Variants in EXT1 observed in about 807,000 individuals in gnomAD.
The protein encoded by EXT1 is exostosin-1.
EXT1 carries 20 observed loss-of-function variants against 82.5 expected under a neutral mutation model. The observed-to-expected ratio is 0.24, with a 90% CI of 0.17 to 0.35. EXT1 has a LOEUF of 0.35. EXT1 is among the 10% of genes least tolerant of loss of function. The pLI is 1.00. For synonymous variants in EXT1, 348 were observed against 350.8 expected (o/e 0.99, Z 0.09); for missense variants, 757 against 936.5 (o/e 0.81, Z 2.50).
chr8:117,983,659 C>G (rs1454345050), intron 1 of EXT1, among the ~76,000 whole-genome samples: 1 of 152,158 alleles, frequency 6.6e-6, no homozygotes, highest in Non-Finnish European at 1.5e-5. Flanking sequence ...CTTACATTAT[C>G]AGCACTAAAA....
At position 117,872,826 on chromosome 8, in the gene EXT1, A is replaced by G. The variant is rs1251620193; in HGVS notation, c.963-35625T>C. 8.2e-3 allele frequency among the ~76,000 whole-genome samples: 1,176 copies of G among 143,328 alleles called. 12 individuals are homozygous for G. The highest frequency in any genetic ancestry group is 0.028 in the African/African-American group (1,062 of 37,758). The allele number at this position is 143,328 out of a possible 152,430, so 94.0% of individuals were successfully genotyped here. On this transcript the variant is annotated intron_variant, in intron 1 of 10. Transcript: ENST00000378204. ...ATTAAAGCGAATACTGAAGCAGAGA[A>G]AAAAAAAAAAAAAAGAAAGAAATGC...
intron 1 of EXT1, among the ~76,000 whole-genome samples, chr8:117,852,694 C>T (rs972190537): frequency 6.6e-5 from 10 of 152,086 alleles, no homozygotes; most frequent in African/African-American, 1.9e-4. Context: ...TGGGAAGAGA[C>T]ATAAAACAAA....
intron 1 of EXT1, among the ~76,000 whole-genome samples, chr8:117,902,260 A>C (rs572943741): frequency 6.6e-6 from 1 of 152,290 alleles, no homozygotes; most frequent in South Asian, 2.1e-4. Flanking sequence ...TAACTTAAAA[A>C]AAAATAAGTA....
chr8:117,839,184 T>C (rs1812232982), intron 1 of EXT1, among the ~76,000 whole-genome samples: 1 of 152,210 alleles, frequency 6.6e-6, no homozygotes, highest in South Asian at 2.1e-4. Context: ...TAATAGGAGC[T>C]GTGGGAAGAA....
In EXT1 at chr8:117,812,922, T is replaced by C. The variant is rs561994950; in HGVS notation, c.1672A>G (p.Thr558Ala). 2 of 1,613,920 alleles carry C rather than the reference T, an allele frequency of 1.2e-6. No individual in the cohort carries two copies. The highest frequency in any genetic ancestry group is 2.2e-5 in the East Asian group (1 of 44,860). The change falls in exon 8 of 11, where the codon ACA becomes GCA. Residue 558 changes from threonine to alanine, a missense_variant. Physicochemically the swap from Thr to Ala is moderately conservative, Grantham distance 58. Transcript: ENST00000378204. ...TCGTCAAGGCTGAGCACGGCGTCTG[T>C]GATGATGTTGTCGTAGGGCAGAAAA... ...SRFLPYDNII[T>A]DAVLSLDEDT...
intron 1 of EXT1, among the ~76,000 whole-genome samples, chr8:118,002,528 CTTT>C (rs60354141): frequency 3.4e-5 from 3 of 87,086 alleles, no homozygotes; most frequent in Non-Finnish European, 2.1e-5. Context: ...GAATATTTTT[CTTT>C]TTTTTTTTTT....
Position 118,081,175 on chromosome 8 carries a change from T to C in EXT1, c.962+28910A>G, listed in dbSNP as rs537072931. Among the ~76,000 whole-genome samples, 6 of 152,264 alleles carry C rather than the reference T, an allele frequency of 3.9e-5. No homozygotes were observed. The East Asian group carries it at 1.2e-3, about 29-fold the overall frequency. The stretch of plus-strand genomic sequence containing the variant: ...GACAATTAAATGACACGCAAAAGGA[T>C]ATCAAATACTCATAACCACTAACCT... On this transcript the variant is annotated intron_variant, in intron 1 of 10. Transcript: ENST00000378204.
intron 1 of EXT1, among the ~76,000 whole-genome samples, chr8:118,079,675 C>G (rs1392979569): frequency 6.6e-6 from 1 of 150,846 alleles, no homozygotes; most frequent in African/African-American, 2.4e-5. Context: ...CCACCCCACC[C>G]ACTAATTAGT....
chr8:118,007,283 C>T (rs897044053), intron 1 of EXT1, among the ~76,000 whole-genome samples: 2 of 151,276 alleles, frequency 1.3e-5, no homozygotes, highest in African/African-American at 2.4e-5. Context: ...GGGGACACAG[C>T]GAGACACCAT....
intron 1 of EXT1, among the ~76,000 whole-genome samples, chr8:117,872,778 C>T (rs1812896284): frequency 6.7e-6 from 1 of 149,112 alleles, no homozygotes; most frequent in African/African-American, 2.5e-5. Context: ...TATTCAATCA[C>T]TTTCAAAGAT....
At chr8:118,058,236 A>G (rs1816826793) in intron 1 of EXT1, among the ~76,000 whole-genome samples, 1 of 152,172 alleles carries the variant, frequency 6.6e-6, no homozygotes, top group Non-Finnish European at 1.5e-5. Context: ...CTTCTGAATT[A>G]ATTTTCTAAG....
chr8:117,948,121 T>C (rs931906852), intron 1 of EXT1, among the ~76,000 whole-genome samples: 4 of 152,014 alleles, frequency 2.6e-5, no homozygotes, highest in Admixed American at 2.6e-4. Context: ...TAAGGTAGCT[T>C]ACAGTAAAGG....
At chr8:118,043,812 G>T in intron 1 of EXT1, among the ~76,000 whole-genome samples, 1 of 152,208 alleles carries the variant, frequency 6.6e-6, no homozygotes, top group East Asian at 1.9e-4. Flanking sequence ...ACTACTGGGA[G>T]GAGGAGAGAC....
chr8:117,950,555 C>T (rs1011082238), intron 1 of EXT1, among the ~76,000 whole-genome samples: 5 of 152,088 alleles, frequency 3.3e-5, no homozygotes, highest in Admixed American at 1.3e-4. Context: ...TAGGATAACA[C>T]GAGGGCTAAA....
intron 1 of EXT1, among the ~76,000 whole-genome samples, chr8:118,012,657 T>C (rs1296317515): frequency 6.6e-6 from 1 of 152,208 alleles, no homozygotes; most frequent in Non-Finnish European, 1.5e-5. Context: ...CACATCTCTA[T>C]CAGTTTCCAC....
At chr8:117,973,506 TC>T (rs1032499543) in intron 1 of EXT1, among the ~76,000 whole-genome samples, 3 of 152,144 alleles carry the variant, frequency 2.0e-5, no homozygotes, top group Non-Finnish European at 2.9e-5. Context: ...GGCCTCTACA[TC>T]TTTTTTAAAA....
intron 5 of EXT1, among the ~76,000 whole-genome samples, 153 bp from the exon 6 acceptor site, chr8:117,819,947 G>A (rs1223053574): frequency 1.3e-5 from 2 of 152,226 alleles, no homozygotes; most frequent in Non-Finnish European, 2.9e-5. Context: ...ACAGAAACAA[G>A]ATGAAAAGCT....
intron 7 of EXT1, among the ~76,000 whole-genome samples, chr8:117,813,549 C>T (rs902976611): frequency 1.1e-4 from 17 of 152,260 alleles, no homozygotes; most frequent in African/African-American, 3.8e-4. Flanking sequence ...GAGCAGATCA[C>T]TGTAGAAAGT....
At chr8:118,001,392 C>T (rs1815661974) in intron 1 of EXT1, among the ~76,000 whole-genome samples, 1 of 152,042 alleles carries the variant, frequency 6.6e-6, no homozygotes, top group African/African-American at 2.4e-5. Context: ...GCCATGTTAG[C>T]CAGGCTGGTC....
Sources: gnomAD v4.1 joint callset for allele counts (sites outside exome capture counted in the v4.1 genomes callset) on GRCh38, gnomAD v4.1.1 for gene constraint, MANE v1.5 for transcripts, NCBI Gene and HGNC (gene_info 2026-07-23, HGNC 2026-07-21) for gene names.